The following KDM4B variants were observed in gnomAD, a reference collection of about 807,000 sequenced individuals.
The protein encoded by KDM4B is lysine demethylase 4B.
Under a neutral mutation model 125.2 loss-of-function variants are expected in KDM4B, and 32 were observed. The observed-to-expected ratio is 0.26, with a 90% confidence interval of 0.19 to 0.34. KDM4B has a LOEUF of 0.34. Ranked by LOEUF, KDM4B falls within the 10% of genes least tolerant of loss-of-function variation. The pLI, the probability that KDM4B is intolerant of heterozygous loss-of-function variation, is 1.00. For missense variants in KDM4B, 1,190 were observed against 1,577.7 expected, an observed-to-expected ratio of 0.75 and a Z score of 4.16; for synonymous variants, 721 against 677.9, an observed-to-expected ratio of 1.06 and a Z score of -0.99.
intron 2 of KDM4B, among the ~76,000 whole-genome samples, chr19:5,024,006 C>T (rs1338343762): frequency 2.0e-5 from 3 of 152,084 alleles, no homozygotes; most frequent in Non-Finnish European, 4.4e-5. Flanking sequence ...CCACCTTGGC[C>T]TCCCACAGTG....
chr19:4,980,424 T>TC (rs200776990), intron 1 of KDM4B, among the ~76,000 whole-genome samples: 12 of 64,594 alleles, frequency 1.9e-4, no homozygotes, highest in African/African-American at 2.1e-4. Context: ...TTTCTTTCTT[T>TC]TTTTTTTTTT....
intron 2 of KDM4B, among the ~76,000 whole-genome samples, chr19:5,027,302 C>T (rs1428757709): frequency 2.0e-5 from 3 of 152,220 alleles, no homozygotes; most frequent in Admixed American, 1.3e-4. Flanking sequence ...TCTCTGTGAC[C>T]GTGAAGCCCA....
At chr19:5,059,801 C>G (rs2037527727) in intron 6 of KDM4B, among the ~76,000 whole-genome samples, 1 of 152,066 alleles carries the variant, frequency 6.6e-6, no homozygotes. Flanking sequence ...GGCATCAGAG[C>G]ATTTTAATAG....
chr19:5,068,380 G>A (rs985247909), intron 6 of KDM4B, among the ~76,000 whole-genome samples: 2 of 152,148 alleles, frequency 1.3e-5, no homozygotes, highest in Admixed American at 6.5e-5. Context: ...CAGGACATCC[G>A]GAGAGCCTTG....
chr19:5,051,053 A>C (rs2037205965), intron 6 of KDM4B, among the ~76,000 whole-genome samples: 1 of 151,478 alleles, frequency 6.6e-6, no homozygotes. Flanking sequence ...TGCAGGGCCC[A>C]CCCTCCTGAG....
rs560535277 is a variant in KDM4B, at chr19:5,035,020, G to A, written c.141+1989G>A. Among the ~76,000 whole-genome samples, 1 of 152,294 alleles carries A rather than the reference G, an allele frequency of 6.6e-6. No homozygotes were observed. The highest frequency in any genetic ancestry group is 2.4e-5 in the African/African-American group (1 of 41,556). ...GATTGTAACACACCATGACGATGTGGGAATGATGGCACATCTGTGTCCGGG... is the reference window on the plus strand; with the variant it reads ...GATTGTAACACACCATGACGATGTGAGAATGATGGCACATCTGTGTCCGGG... On this transcript the variant is annotated intron_variant, in intron 3 of 22. Coordinates refer to ENST00000159111, the MANE Select transcript of KDM4B (RefSeq NM_015015.3). The surrounding 1 kb of genome is among the most constrained non-coding windows in gnomAD (Gnocchi z 5.3).
chr19:5,051,198 G>A (rs2037211806), intron 6 of KDM4B, among the ~76,000 whole-genome samples: 1 of 152,262 alleles, frequency 6.6e-6, no homozygotes, highest in South Asian at 2.1e-4. Context: ...GGCCAGCCCT[G>A]AGAGAGTTGC....
intron 1 of KDM4B, among the ~76,000 whole-genome samples, chr19:5,009,927 T>C (rs2035677650): frequency 6.6e-6 from 1 of 152,174 alleles, no homozygotes; most frequent in Admixed American, 6.5e-5. Context: ...ACACAGGGTT[T>C]CACCATGTTG....
chr19:5,110,752 T>G lies in KDM4B; in HGVS notation c.1049T>G (p.Leu350Arg). The G allele has an allele frequency of 1.2e-6, 2 of 1,610,914 alleles. No homozygotes were observed. Among genetic ancestry groups the G allele is most frequent in the Non-Finnish European group, 1.7e-6 (2 of 1,178,982 alleles). ...TVLDHTRPTA[L>R]TSPELSSWSA... ...CTGGACCACACGCGGCCCACGGCGCTCACCAGCCCCGAGCTGAGCTCCTGG... is the reference window on the plus strand; with the variant it reads ...CTGGACCACACGCGGCCCACGGCGCGCACCAGCCCCGAGCTGAGCTCCTGG... Residue 350 changes from leucine (L) to arginine (R), a missense_variant, in exon 10 of 23, where the codon CTC (leucine) becomes CGC (arginine). This residue lies in a region of KDM4B where 428 missense variants were observed against 405.1 expected (regional missense o/e 1.06). Transcript: ENST00000159111.
intron 5 of KDM4B, among the ~76,000 whole-genome samples, chr19:5,046,599 C>A (rs1277531311): frequency 6.6e-6 from 1 of 152,204 alleles, no homozygotes; most frequent in Non-Finnish European, 1.5e-5. Flanking sequence ...ACTGCAGTGA[C>A]TAATGTGTAT....
At chr19:5,103,833 C>G (rs1360427275) in intron 9 of KDM4B, among the ~76,000 whole-genome samples, 1 of 152,252 alleles carries the variant, frequency 6.6e-6, no homozygotes, top group African/African-American at 2.4e-5. Flanking sequence ...CGCTCCACAC[C>G]CTGTTCACTT....
At chr19:4,970,236 C>G (rs1254442297) in intron 1 of KDM4B, among the ~76,000 whole-genome samples, 1 of 152,228 alleles carries the variant, frequency 6.6e-6, no homozygotes, top group Admixed American at 6.5e-5. Flanking sequence ...GAGGCATGGA[C>G]TGCTTTTGGG....
At position 5,115,162 on chromosome 19, in the gene KDM4B, G is replaced by T. The variant is rs1265396229; in HGVS notation, c.1115+4344G>T. The stretch of plus-strand genomic sequence containing the variant: ...GGGAGCAGCTGGGCTGCACCATGGG[G>T]CCACAGAAAGACACAGTGGGCAGAC... On this transcript the variant is annotated intron_variant, in intron 10 of 22. Coordinates refer to ENST00000159111, the MANE Select transcript of KDM4B (RefSeq NM_015015.3). The surrounding 1 kb of genome is among the most constrained non-coding windows in gnomAD (Gnocchi z 4.2). Among the ~76,000 whole-genome samples the T allele has an allele frequency of 2.0e-5, 3 of 152,220 alleles. No homozygotes were observed. Among genetic ancestry groups the T allele is most frequent in the Non-Finnish European group, 4.4e-5 (3 of 68,034 alleles).
intron 9 of KDM4B, among the ~76,000 whole-genome samples, chr19:5,090,276 G>C (rs915029188): frequency 1.6e-4 from 24 of 151,994 alleles, no homozygotes; most frequent in African/African-American, 5.6e-4. Context: ...GCCAGGCTGA[G>C]GCTTAGGGTG....
chr19:4,985,877 G>T (rs1271094986), intron 1 of KDM4B, among the ~76,000 whole-genome samples: 1 of 152,242 alleles, frequency 6.6e-6, no homozygotes, highest in African/African-American at 2.4e-5. Context: ...AAGGCTGTGT[G>T]TGTCTCAGGA....
intron 5 of KDM4B, among the ~76,000 whole-genome samples, chr19:5,044,647 A>G (rs993878385): frequency 6.6e-6 from 1 of 152,132 alleles, no homozygotes; most frequent in African/African-American, 2.4e-5. Flanking sequence ...TCCTGGGTTC[A>G]AGCGATTCTC....
chr19:5,047,453 G>A (rs1324409599), intron 5 of KDM4B, 23 bp from the exon 6 acceptor site: 11 of 1,579,044 alleles, frequency 7.0e-6, no homozygotes, highest in Middle Eastern at 1.7e-4. Context: ...GGCGGTTGCC[G>A]ACGCTGCTCT....
intron 1 of KDM4B, among the ~76,000 whole-genome samples, chr19:5,000,647 A>G (rs2035355482): frequency 6.6e-6 from 1 of 152,238 alleles, no homozygotes; most frequent in Non-Finnish European, 1.5e-5. Flanking sequence ...AAAGACATAC[A>G]GTCCCAAACT....
At chr19:5,008,837 G>A (rs2035642490) in intron 1 of KDM4B, among the ~76,000 whole-genome samples, 1 of 148,098 alleles carries the variant, frequency 6.8e-6, no homozygotes, top group Admixed American at 6.8e-5. Flanking sequence ...TCCTGACCTC[G>A]TGATCTGCCC....
Sources: gnomAD v4.1 joint callset for allele counts (sites outside exome capture counted in the v4.1 genomes callset) on GRCh38, gnomAD v4.1.1 for gene constraint, gnomAD v4.1.1 regional missense constraint, Gnocchi (gnomAD v3.1) non-coding constraint, MANE v1.5 for transcripts, NCBI Gene and HGNC (gene_info 2026-07-23, HGNC 2026-07-21) for gene names.